Variants in MDH1B observed in about 807,000 individuals in gnomAD.
MDH1B encodes the protein putative malate dehydrogenase 1B.
In MDH1B, 60 loss-of-function variants were observed where a neutral mutation model predicts 61.4. That is an observed-to-expected ratio of 0.98 (90% confidence interval 0.79 to 1.21). MDH1B has a LOEUF of 1.21. MDH1B is among the 50% of genes most tolerant of loss of function. MDH1B has a pLI of 0.00. For synonymous variants in MDH1B, 236 were observed against 218.7 expected (o/e 1.08, Z -0.70); for missense variants, 587 against 632.1 (o/e 0.93, Z 0.76).
chr2:206,751,218 A>G (rs1688420077), intron 5 of MDH1B, 143 bp from the exon 6 acceptor site: 2 of 577,872 alleles, frequency 3.5e-6, no homozygotes. Flanking sequence ...TATGATTCCT[A>G]AAATTGTGCA....
rs1688727037 is a variant in MDH1B, at chr2:206,755,804, T to C, written c.414-299A>G. 2.6e-5 allele frequency among the ~76,000 whole-genome samples: 4 copies of C among 152,150 alleles called. No homozygotes were observed. In the South Asian group the frequency reaches 8.3e-4, roughly 31 times the overall value. ...TGCAGAAATCAAAATAAAAAAACTA[T>C]TATATTACTGTAATTATGTGTTTAT... On this transcript the variant is annotated intron_variant, in intron 4 of 11. Transcript: ENST00000374412.
chr2:206,748,904 G>A, intron 7 of MDH1B, 116 bp downstream of exon 7: 3 of 799,288 alleles, frequency 3.8e-6, no homozygotes, highest in Non-Finnish European at 3.9e-6. Flanking sequence ...AATTGTAAAA[G>A]TCCAGGCAGC....
chr2:206,754,930 G>T, intron 5 of MDH1B, 79 bp downstream of exon 5: 2 of 1,442,862 alleles, frequency 1.4e-6, no homozygotes, highest in South Asian at 1.3e-5. Flanking sequence ...GTTCCTAGAG[G>T]GGACAGTGTT....
intron 7 of MDH1B, among the ~76,000 whole-genome samples, chr2:206,747,041 G>A (rs1688151158): frequency 6.6e-6 from 1 of 151,956 alleles, no homozygotes. Context: ...TAAAAAGATT[G>A]ACCATATTTA....
intron 8 of MDH1B, 59 bp from the exon 9 acceptor site, chr2:206,745,732 T>A: frequency 8.9e-5 from 30 of 336,920 alleles, no homozygotes; most frequent in South Asian, 3.1e-4. Flanking sequence ...TAATTCTTCT[T>A]TTTTTTTTTT....
chr2:206,754,934 C>T (rs902251814), intron 5 of MDH1B, 75 bp downstream of exon 5: 2 of 1,469,462 alleles, frequency 1.4e-6, no homozygotes, highest in African/African-American at 2.8e-5. Flanking sequence ...CTAGAGGGGA[C>T]AGTGTTCTTC....
intron 1 of MDH1B, among the ~76,000 whole-genome samples, chr2:206,764,492 C>A (rs1326476345): frequency 6.6e-6 from 1 of 152,086 alleles, no homozygotes; most frequent in East Asian, 1.9e-4. Flanking sequence ...GATGGAAGAG[C>A]AGTCTACTCT....
At chr2:206,751,117 G>T in intron 5 of MDH1B, 42 bp from the exon 6 acceptor site, 1 of 1,389,532 alleles carries the variant, frequency 7.2e-7, no homozygotes, top group Non-Finnish European at 9.7e-7. Context: ...AATAATGTAT[G>T]TTAATATAAA....
intron 11 of MDH1B, 47 bp downstream of exon 11, chr2:206,739,546 A>T (rs1465101204): frequency 2.0e-6 from 3 of 1,529,498 alleles, no homozygotes; most frequent in South Asian, 1.1e-5. Flanking sequence ...ACCCAGTTCC[A>T]CTTGTAGAAT....
At chr2:206,763,773 C>T (rs751199970) in intron 1 of MDH1B, among the ~76,000 whole-genome samples, 2 of 152,126 alleles carry the variant, frequency 1.3e-5, no homozygotes, top group African/African-American at 2.4e-5. Flanking sequence ...AACCCCACTC[C>T]CAGTTACCCA....
At chr2:206,751,951 T>A (rs887961813) in intron 5 of MDH1B, among the ~76,000 whole-genome samples, 1 of 152,240 alleles carries the variant, frequency 6.6e-6, no homozygotes, top group African/African-American at 2.4e-5. Context: ...CCTCTTCTCC[T>A]GTATAAGATT....
intron 2 of MDH1B, among the ~76,000 whole-genome samples, chr2:206,758,536 C>CG (rs1559348504): frequency 6.6e-6 from 1 of 151,950 alleles, no homozygotes; most frequent in African/African-American, 2.4e-5. Context: ...GAGGCCGAGG[C>CG]GGGGGGAACA....
intron 2 of MDH1B, 40 bp from the exon 3 acceptor site, chr2:206,757,411 T>G: frequency 6.3e-7 from 1 of 1,591,562 alleles, no homozygotes; most frequent in South Asian, 1.1e-5. Flanking sequence ...ATATTAAATC[T>G]GCCTGAGAAT....
At position 206,755,411 on chromosome 2, in the gene MDH1B, T is replaced by A. The variant is rs749503508; in HGVS notation, c.508A>T (p.Asn170Tyr). The A allele has an allele frequency of 6.2e-7, 1 of 1,614,208 alleles. No homozygotes were observed. Among genetic ancestry groups the A allele is most frequent in the East Asian group, 2.2e-5 (1 of 44,874 alleles). Reference protein sequence around the residue: ...HTEISITLFDNKQAEEHLKSL... With the variant: ...HTEISITLFDYKQAEEHLKSL... ...TTGAGATGTTCTTCCGCCTGCTTGT[T>A]GTCAAATAGAGTTATGCTAATTTCT... Residue 170 changes from asparagine (N) to tyrosine (Y), a missense_variant, in exon 5 of 12, where the codon AAC (asparagine) becomes TAC (tyrosine). Coordinates refer to ENST00000374412, the MANE Select transcript of MDH1B (RefSeq NM_001039845.3).
In MDH1B at chr2:206,756,951, C is replaced by G. The variant is rs138212602; in HGVS notation, c.360G>C (p.Gln120His). 1 of 1,614,016 alleles carries G rather than the reference C, an allele frequency of 6.2e-7. No homozygotes were observed. The highest frequency in any genetic ancestry group is 8.5e-7 in the Non-Finnish European group (1 of 1,180,014). The change falls in exon 4 of 12, where the codon CAG (glutamine) becomes CAC (histidine). Residue 120 changes from glutamine to histidine, a missense_variant. Transcript: ENST00000374412. ...TGCAAGTTTTCAGGGCTTCTTCCTC[C>G]TGCTCTTTTTCTATATGTGCCCCCA... ...ENLGAHIEKE[Q>H]EEEALKTCIN...
Position 206,738,325 on chromosome 2 carries a change from C to A in MDH1B, c.*158G>T. The A allele has an allele frequency of 2.1e-6, 1 of 478,856 alleles. No individual in the cohort carries two copies. The highest frequency in any genetic ancestry group is 3.7e-6 in the Non-Finnish European group (1 of 273,232). The allele number at this position is 478,856 out of a possible 1,614,324, so 29.7% of individuals were successfully genotyped here. A position where few individuals can be genotyped will look rare whatever the true frequency, so the allele number is the denominator to read the frequency against. On this transcript the variant is annotated 3_prime_UTR_variant, in exon 12 of 12. Coordinates refer to ENST00000374412, the MANE Select transcript of MDH1B (RefSeq NM_001039845.3). ...TAATGCAAAATGACGGAACTCTGAC[C>A]TCTGTGCTGTCACAGTGATTTAATT...
intron 9 of MDH1B, among the ~76,000 whole-genome samples, chr2:206,744,734 G>A (rs546232653): frequency 2.6e-5 from 4 of 151,970 alleles, no homozygotes; most frequent in South Asian, 2.1e-4. Flanking sequence ...AGACCAGCCC[G>A]GCCAACATAG....
chr2:206,751,222 T>G (rs1275283337), intron 5 of MDH1B, 147 bp from the exon 6 acceptor site: 1 of 563,814 alleles, frequency 1.8e-6, no homozygotes. Context: ...ATTCCTAAAA[T>G]TGTGCAAATT....
rs563276644 is a variant in MDH1B, at chr2:206,755,456, C to T, written c.463G>A (p.Glu155Lys). ...ATTTCTGTATGCATCCCAAACACTT[C>T]GCCACTCGTCAATATGGGAATTAGG... Reference protein sequence around the residue: ...YNLIPILTSGEVFGMHTEISI... With the variant: ...YNLIPILTSGKVFGMHTEISI... Residue 155 changes from glutamate to lysine, a missense_variant, in exon 5 of 12, where the codon GAA becomes AAA. By Grantham distance (56) the Glu-to-Lys change is moderately conservative. Transcript: ENST00000374412. 1.8e-4 allele frequency: 296 copies of T among 1,614,092 alleles called. 1 individual carries two copies. In the South Asian group the frequency reaches 2.9e-3, roughly 16 times the overall value.
Sources: allele counts gnomAD v4.1 joint callset (sites outside exome capture counted in the v4.1 genomes callset), GRCh38; gene constraint gnomAD v4.1.1; transcripts MANE v1.5; gene names NCBI Gene and HGNC (gene_info 2026-07-23, HGNC 2026-07-21).